The following PKD1 variants were observed in gnomAD, a reference collection of about 807,000 sequenced individuals.
PKD1 encodes polycystin 1, transient receptor potential channel interacting.
PKD1 carries 81 observed loss-of-function variants against 361.7 expected under a neutral mutation model. The observed-to-expected ratio is 0.22, with a 90% CI of 0.19 to 0.27. The LOEUF is 0.27. Ranked by LOEUF, PKD1 falls within the 10% of genes least tolerant of loss-of-function variation. The pLI is 1.00. For synonymous variants in PKD1, 3,615 were observed against 2,818.3 expected, an observed-to-expected ratio of 1.28 and a Z score of -8.95; for missense variants, 6,399 against 6,118.3, an observed-to-expected ratio of 1.05 and a Z score of -1.53.
chr16:2,092,509 G>A lies in PKD1; in HGVS notation c.11240C>T (p.Pro3747Leu). The change falls in exon 39 of 46, where the codon CCA (proline) becomes CTA (leucine). Residue 3747 changes from proline (P) to leucine (L), a missense_variant. Physicochemically the swap from Pro to Leu is moderately conservative, Grantham distance 98. Transcript: ENST00000262304. Reference sequence around the variant, plus strand: ...CTGCAGCCGCACCTGCCGCAGCCGTGGGGGCCCCAGCTCTGGGCTGGACTG... The same window carrying A: ...CTGCAGCCGCACCTGCCGCAGCCGTAGGGGCCCCAGCTCTGGGCTGGACTG... ...GNQSSPELGP[P>L]RLRQVRLQEA... 1.2e-6 allele frequency: 2 copies of A among 1,611,534 alleles called. No individual in the cohort carries two copies. The highest frequency in any genetic ancestry group is 8.5e-7 in the Non-Finnish European group (1 of 1,178,868).
chr16:2,112,970 G>A lies in PKD1; in HGVS notation c.2986-7C>T, dbSNP rs780163040. On this transcript the variant is annotated splice_polypyrimidine_tract_variant and splice_region_variant and intron_variant, in intron 12 of 45. Transcript: ENST00000262304. ...CGTGGTTGGAGGCCGTCAGCTGCAG[G>A]GACAGGCGTCAGTGAGCCCAGGTGG... The A allele has an allele frequency of 5.6e-6, 9 of 1,597,784 alleles. No homozygotes were observed. Among genetic ancestry groups the A allele is most frequent in the Non-Finnish European group, 7.6e-6 (9 of 1,179,360 alleles).
In PKD1 at chr16:2,099,703, C is replaced by G. The variant is rs541894980; in HGVS notation, c.9991G>C (p.Val3331Leu). Residue 3331 changes from valine (V) to leucine (L), a missense_variant, in exon 30 of 46, where the codon GTG (valine) becomes CTG (leucine). Transcript: ENST00000262304. ...DTVAVGLVSS[V>L]VVYPVYLAIL... ...GCCAGGTAGACGGGATAGACAACCA[C>G]GCTGGACACCAGGCCAACAGCGACT... 21 of 1,589,750 alleles carry G rather than the reference C, an allele frequency of 1.3e-5. No homozygotes were observed. The African/African-American group carries it at 2.8e-4, about 21-fold the overall frequency.
In PKD1 at chr16:2,106,440, C is replaced by T. The variant is rs769589444; in HGVS notation, c.7447G>A (p.Ala2483Thr). 27 of 1,590,146 alleles carry T rather than the reference C, an allele frequency of 1.7e-5. No homozygotes were observed. Among genetic ancestry groups the T allele is most frequent in the South Asian group, 5.6e-5 (5 of 89,268 alleles). ...ACCTTGGTGGTGAGGGCGTGCACAG[C>T]GCCCAGTGGGAAGAGGCGGCAAGAG... is the stretch of plus-strand genomic sequence containing the variant. ...GGSCRLFPLG[A>T]VHALTTKVHF... Residue 2483 changes from alanine (A) to threonine (T), a missense_variant, in exon 18 of 46, where the codon GCT becomes ACT. Transcript: ENST00000262304. This position sits in a 1 kb window ranked among gnomAD's most constrained non-coding sequence, Gnocchi z 6.5.
chr16:2,107,404 C>G, intron 16 of PKD1: 2 of 361,742 alleles, frequency 5.5e-6, no homozygotes, highest in Non-Finnish European at 5.3e-6. Flanking sequence ...GACCCCCAAT[C>G]AGGCCAGCTG....
At chr16:2,094,382 G>C (rs1221540548) in intron 34 of PKD1, among the ~76,000 whole-genome samples, 172 bp from the exon 35 acceptor site, 2 of 152,218 alleles carry the variant, frequency 1.3e-5, no homozygotes, top group Non-Finnish European at 2.9e-5. Context: ...CTGGGAGCCA[G>C]GGAACCAAGA....
intron 16 of PKD1, 198 bp downstream of exon 16, chr16:2,107,685 T>C: frequency 1.5e-6 from 1 of 649,992 alleles, no homozygotes. Context: ...CATATGTGGC[T>C]TGAAGACTGT....
Position 2,110,251 on chromosome 16 carries a change from CCCA to C in PKD1, c.4913_4915del (p.Val1638del), listed in dbSNP as rs2092466489. The C allele has an allele frequency of 6.2e-7, 1 of 1,612,218 alleles. No homozygotes were observed. The highest frequency in any genetic ancestry group is 8.5e-7 in the Non-Finnish European group (1 of 1,179,692). ...GTTGGTGGGGAAGTAGCGGCCACCGCCCACCACCTGCAGCCCCTCTATGAGCTG... is the reference window on the plus strand; with the variant it reads ...GTTGGTGGGGAAGTAGCGGCCACCGCCCACCTGCAGCCCCTCTATGAGCTG... On this transcript the variant is annotated inframe_deletion, in exon 15 of 46. Coordinates refer to ENST00000262304, the MANE Select transcript of PKD1 (RefSeq NM_001009944.3).
intron 1 of PKD1, among the ~76,000 whole-genome samples, chr16:2,121,330 A>G (rs1466497211): frequency 1.3e-5 from 2 of 151,724 alleles, no homozygotes; most frequent in Non-Finnish European, 2.9e-5. Flanking sequence ...GCACCCCTGC[A>G]CTCCAGCACC....
At position 2,116,996 on chromosome 16, in the gene PKD1, C is replaced by T. The variant is rs774836329; in HGVS notation, c.1443G>A (p.Ala481=). The T allele has an allele frequency of 1.8e-5, 28 of 1,581,026 alleles. No homozygotes were observed. Among genetic ancestry groups the T allele is most frequent in the African/African-American group, 5.4e-5 (4 of 74,688 alleles). Residue 481 remains alanine (A), a synonymous_variant, in exon 7 of 46, where the codon GCG becomes GCA. Transcript: ENST00000262304. ...CCAGGCTGAAGGCCTCGCCCTGCGG[C>T]GCTGGGCCCACCTCCACCCCCTGCA... ...STVQGVEVGP[A]PQGEAFSLES...
At chr16:2,130,442 C>T (rs1190691774) in intron 1 of PKD1, among the ~76,000 whole-genome samples, 2 of 152,222 alleles carry the variant, frequency 1.3e-5, no homozygotes, top group African/African-American at 2.4e-5. Context: ...CAGCCCCCTC[C>T]CCATCATCCA....
chr16:2,122,664 C>T (rs1490838582), intron 1 of PKD1, among the ~76,000 whole-genome samples: 2 of 152,266 alleles, frequency 1.3e-5, no homozygotes, highest in African/African-American at 4.8e-5. Context: ...AGGGGGAACA[C>T]TGTGCCGTGA....
intron 22 of PKD1, 38 bp downstream of exon 22, chr16:2,104,460 C>CGGGGCGGACGGGCCACGT (rs1567179956): frequency 7.1e-7 from 1 of 1,409,454 alleles, no homozygotes; most frequent in African/African-American, 1.9e-5. Context: ...AAGGGCCGCA[C>CGGGGCGGACGGGCCACGT]GGGGCGGGCG....
Position 2,097,314 on chromosome 16 carries a change from C to T in PKD1, c.10405+5G>A. Reference sequence around the variant, plus strand: ...TCAGAGCCCCCTCCTCTCACCCCAGCTCACCTGATGCTGAGAAGGATTTGG... The same window carrying T: ...TCAGAGCCCCCTCCTCTCACCCCAGTTCACCTGATGCTGAGAAGGATTTGG... On this transcript the variant is annotated splice_donor_5th_base_variant and intron_variant, in intron 33 of 45. Coordinates refer to ENST00000262304, the MANE Select transcript of PKD1 (RefSeq NM_001009944.3). 6.2e-7 allele frequency: 1 copy of T among 1,612,814 alleles called. No individual in the cohort carries two copies. Among genetic ancestry groups the T allele is most frequent in the East Asian group, 2.2e-5 (1 of 44,882 alleles).
chr16:2,114,024 G>C (rs1323908054), intron 11 of PKD1, 146 bp downstream of exon 11: 1 of 711,990 alleles, frequency 1.4e-6, no homozygotes, highest in African/African-American at 1.8e-5. Flanking sequence ...AGCCCGAGGA[G>C]CCAGCCAGCA....
rs2092500435 is a variant in PKD1, at chr16:2,111,380, C to G, written c.3787G>C (p.Val1263Leu). ...LSGPEATVEH[V>L]YLRAQNCTVT... Reference sequence around the variant, plus strand: ...GTGCAGTTCTGTGCCCGCAGGTACACATGCTCCACTGTTGCCTCCGGGCCC... The same window carrying G: ...GTGCAGTTCTGTGCCCGCAGGTACAGATGCTCCACTGTTGCCTCCGGGCCC... Residue 1263 changes from valine (V) to leucine (L), a missense_variant, in exon 15 of 46, where the codon GTG (valine) becomes CTG (leucine). Transcript: ENST00000262304. The G allele has an allele frequency of 5.6e-6, 9 of 1,611,422 alleles. No individual in the cohort carries two copies. Among genetic ancestry groups the G allele is most frequent in the Non-Finnish European group, 6.8e-6 (8 of 1,179,538 alleles).
At position 2,094,197 on chromosome 16, in the gene PKD1, C is replaced by A. The variant is rs754669598; in HGVS notation, c.10513G>T (p.Gly3505Trp). The change falls in exon 35 of 46, where the codon GGG (glycine) becomes TGG (tryptophan). Residue 3505 changes from glycine to tryptophan, a missense_variant. Coordinates refer to ENST00000262304, the MANE Select transcript of PKD1 (RefSeq NM_001009944.3). Reference protein sequence around the residue: ...DLLSSLSSTPGEKTETLALQR... With the variant: ...DLLSSLSSTPWEKTETLALQR... ...AGCGCCAGCGTCTCTGTCTTCTCCC[C>A]AGGAGTGCTGGACCTGAGGGACATG... is the stretch of plus-strand genomic sequence containing the variant. The A allele has an allele frequency of 4.4e-6, 7 of 1,601,166 alleles. No individual in the cohort carries two copies. The Admixed American group carries it at 5.0e-5, about 11-fold the overall frequency.
Position 2,108,638 on chromosome 16 carries a change from C to G in PKD1, c.6529G>C (p.Asp2177His). 6.4e-7 allele frequency: 1 copy of G among 1,561,174 alleles called. No homozygotes were observed. The highest frequency in any genetic ancestry group is 1.4e-5 in the African/African-American group (1 of 74,038). The change falls in exon 15 of 46, where the codon GAC becomes CAC. Residue 2177 changes from aspartate to histidine, a missense_variant. Coordinates refer to ENST00000262304, the MANE Select transcript of PKD1 (RefSeq NM_001009944.3). ...NYLEAHVDLR[D>H]CVTYQTEYRW... ...TACTCAGTCTGGTAGGTGACGCAGT[C>G]GCGCAGGTCAACGTGGGCCTCCAAG...
chr16:2,088,916 C>T lies in PKD1; in HGVS notation c.*811G>A, dbSNP rs2091285398. ...ACACACACAGTCACCTTCCTCCACC[C>T]TGGGAGCCAGCCCCCAGGAGGAGTC... On this transcript the variant is annotated 3_prime_UTR_variant, in exon 46 of 46. Transcript: ENST00000262304. 1 of 398,216 alleles carries T rather than the reference C, an allele frequency of 2.5e-6. No homozygotes were observed. Among genetic ancestry groups the T allele is most frequent in the Non-Finnish European group, 4.6e-6 (1 of 215,892 alleles). The allele number at this position is 398,216 out of a possible 1,614,324, so 24.7% of individuals were successfully genotyped here.
At position 2,112,918 on chromosome 16, in the gene PKD1, C is replaced by T. The variant is rs2369066; in HGVS notation, c.3031G>A (p.Val1011Ile). The T allele has an allele frequency of 5.2e-5, 84 of 1,605,482 alleles. No individual in the cohort carries two copies. In the Middle Eastern group the frequency reaches 1.1e-3, roughly 22 times the overall value. ...HVSNVTVNYN[V>I]TVERMNRMQG... is the part of the protein sequence containing the mutation. Reference sequence around the variant, plus strand: ...ATCCTGTTCATCCGCTCCACGGTTACGTTGTAGTTCACGGTGACGTTGCTC... The same window carrying T: ...ATCCTGTTCATCCGCTCCACGGTTATGTTGTAGTTCACGGTGACGTTGCTC... Residue 1011 changes from valine (V) to isoleucine (I), a missense_variant, in exon 13 of 46, where the codon GTA becomes ATA. Physicochemically the swap from Val to Ile is conservative, Grantham distance 29. Coordinates refer to ENST00000262304, the MANE Select transcript of PKD1 (RefSeq NM_001009944.3).
Sources: gnomAD v4.1 joint callset for allele counts (sites outside exome capture counted in the v4.1 genomes callset) on GRCh38, gnomAD v4.1.1 for gene constraint, Gnocchi (gnomAD v3.1) non-coding constraint, MANE v1.5 for transcripts, NCBI Gene and HGNC (gene_info 2026-07-23, HGNC 2026-07-21) for gene names.